RPS6KC1: variants seen among roughly 807,000 people sequenced by gnomAD.
The protein encoded by RPS6KC1 is inactive ribosomal protein S6 kinase delta-1.
In RPS6KC1, 54 loss-of-function variants were observed where a neutral mutation model predicts 103.8. The observed-to-expected ratio is 0.52, with a 90% CI of 0.42 to 0.65. The LOEUF (loss-of-function observed/expected upper bound fraction) is 0.65. RPS6KC1 is among the 30% of genes least tolerant of loss of function. The pLI is 0.00. For synonymous variants in RPS6KC1, 439 were observed against 438.7 expected (o/e 1.00, Z -0.01); for missense variants, 1,151 against 1,253.8 (o/e 0.92, Z 1.24).
intron 5 of RPS6KC1, among the ~76,000 whole-genome samples, chr1:213,126,464 A>G (rs1475787358): frequency 2.6e-5 from 4 of 152,082 alleles, no homozygotes; most frequent in African/African-American, 9.7e-5. Flanking sequence ...ATATATATTG[A>G]CAGGGTGCCA....
the RPS6KC1 span, among the ~76,000 whole-genome samples, chr1:213,777,232 C>A: frequency 6.6e-6 from 1 of 152,060 alleles, no homozygotes; most frequent in Non-Finnish European, 1.5e-5. Context: ...TAGCTTTTGG[C>A]GTTTGTTGGC....
At chr1:213,482,939 C>G in the RPS6KC1 span, among the ~76,000 whole-genome samples, 2 of 151,992 alleles carry the variant, frequency 1.3e-5, no homozygotes, top group African/African-American at 4.8e-5. Context: ...TCCATCTTTC[C>G]ATTTTCCTAA....
intron 1 of RPS6KC1, among the ~76,000 whole-genome samples, chr1:213,067,718 G>T (rs1398345829): frequency 2.0e-5 from 3 of 152,174 alleles, no homozygotes; most frequent in Non-Finnish European, 2.9e-5. Context: ...GGAGGAAAGG[G>T]ACTTGCTCAC....
chr1:213,478,868 T>G, the RPS6KC1 span, among the ~76,000 whole-genome samples: 2 of 152,054 alleles, frequency 1.3e-5, no homozygotes, highest in African/African-American at 4.8e-5. Context: ...GTAGTCCAAT[T>G]CCCTTCTATT....
At chr1:213,393,558 G>A in the RPS6KC1 span, among the ~76,000 whole-genome samples, 2 of 152,140 alleles carry the variant, frequency 1.3e-5, no homozygotes, top group Non-Finnish European at 2.9e-5. Flanking sequence ...GACTTGACTA[G>A]CATTCCTTCT....
chr1:213,854,676 C>T, the RPS6KC1 span, among the ~76,000 whole-genome samples: 4 of 151,980 alleles, frequency 2.6e-5, no homozygotes, highest in African/African-American at 4.8e-5. Context: ...TCTTCAAAGA[C>T]GTTTACAGAC....
the RPS6KC1 span, among the ~76,000 whole-genome samples, chr1:213,811,673 A>T: frequency 6.6e-6 from 1 of 152,204 alleles, no homozygotes; most frequent in South Asian, 2.1e-4. Context: ...AGCATAAAAA[A>T]TTCTGGAGAC....
At chr1:213,605,983 G>C in the RPS6KC1 span, among the ~76,000 whole-genome samples, 3 of 152,218 alleles carry the variant, frequency 2.0e-5, no homozygotes, top group Non-Finnish European at 4.4e-5. Context: ...GATTGCACAA[G>C]AGGTCAAGAA....
At chr1:213,432,620 C>G in the RPS6KC1 span, among the ~76,000 whole-genome samples, 546 of 152,226 alleles carry the variant, frequency 3.6e-3, 2 homozygotes, top group African/African-American at 0.012. Flanking sequence ...AATGGGACAA[C>G]CTTCCACCTC....
At chr1:213,816,587 G>A in the RPS6KC1 span, among the ~76,000 whole-genome samples, 1 of 152,122 alleles carries the variant, frequency 6.6e-6, no homozygotes, top group Admixed American at 6.5e-5. Context: ...CCGCTCGTGG[G>A]TAGATCTGTG....
the RPS6KC1 span, among the ~76,000 whole-genome samples, chr1:213,585,807 A>G: frequency 8.5e-5 from 13 of 152,190 alleles, no homozygotes; most frequent in African/African-American, 3.1e-4. Flanking sequence ...GCACGGCTTA[A>G]CACATGGCAT....
chr1:213,224,526 A>T (rs1050985239), intron 8 of RPS6KC1, among the ~76,000 whole-genome samples: 2 of 152,230 alleles, frequency 1.3e-5, no homozygotes, highest in African/African-American at 4.8e-5. Context: ...TCAATAAGGT[A>T]TGCTATCCAA....
At chr1:213,124,507 T>G (rs1453507730) in intron 5 of RPS6KC1, among the ~76,000 whole-genome samples, 1 of 152,208 alleles carries the variant, frequency 6.6e-6, no homozygotes, top group Non-Finnish European at 1.5e-5. Context: ...TTTCGTATGA[T>G]ATTTATATAT....
intron 3 of RPS6KC1, 26 bp from the exon 4 acceptor site, chr1:213,104,428 A>G (rs1231273387): frequency 2.1e-6 from 3 of 1,404,158 alleles, no homozygotes; most frequent in Non-Finnish European, 2.0e-6. Flanking sequence ...TTCTTCCCTT[A>G]AGTGTTGATT....
chr1:213,846,961 C>T, the RPS6KC1 span, among the ~76,000 whole-genome samples: 1 of 152,118 alleles, frequency 6.6e-6, no homozygotes, highest in Non-Finnish European at 1.5e-5. Flanking sequence ...TGATACTTCA[C>T]CCCCAAATGC....
At chr1:213,304,205 CAAAAA>C in the RPS6KC1 span, among the ~76,000 whole-genome samples, 2 of 70,530 alleles carry the variant, frequency 2.8e-5, no homozygotes. Context: ...GACTCCATCT[CAAAAA>C]AAAAAAAAAA....
chr1:213,254,037 A>C (rs2094590617), intron 12 of RPS6KC1, among the ~76,000 whole-genome samples: 1 of 152,198 alleles, frequency 6.6e-6, no homozygotes, highest in African/African-American at 2.4e-5. Context: ...TTTCTGAAAA[A>C]TATCTTGGCT....
the RPS6KC1 span, among the ~76,000 whole-genome samples, chr1:213,516,574 T>C: frequency 6.6e-6 from 1 of 152,362 alleles, no homozygotes. Flanking sequence ...ATCCCAGGGA[T>C]GAAGCCTACT....
chr1:213,859,539 C>T, the RPS6KC1 span, among the ~76,000 whole-genome samples: 712 of 152,206 alleles, frequency 4.7e-3, 6 homozygotes, highest in Non-Finnish European at 8.0e-3. Context: ...CAAAAGCAGC[C>T]CTAGACAATA....
Sources: allele counts gnomAD v4.1 joint callset (sites outside exome capture counted in the v4.1 genomes callset), GRCh38; gene constraint gnomAD v4.1.1; transcripts MANE v1.5; gene names NCBI Gene and HGNC (gene_info 2026-07-23, HGNC 2026-07-21).